MAGI1: variants seen among roughly 807,000 people sequenced by gnomAD.
The protein encoded by MAGI1 is membrane associated guanylate kinase, WW and PDZ domain containing 1.
A neutral mutation model predicts 139.9 loss-of-function variants in MAGI1; 58 were observed. The ratio of observed to expected loss-of-function variants is 0.41; its 90% confidence interval spans 0.34 to 0.52. MAGI1 has a LOEUF of 0.52. Ranked by LOEUF, MAGI1 falls within the 20% of genes least tolerant of loss-of-function variation. The pLI is 0.12. For missense variants in MAGI1, 1,874 were observed against 1,901.6 expected, an observed-to-expected ratio of 0.99 and a Z score of 0.27; for synonymous variants, 812 against 737.9, an observed-to-expected ratio of 1.10 and a Z score of -1.63.
At chr3:65,610,751 C>CTATATATATATATATATACTAT (rs59887286) in intron 2 of MAGI1, among the ~76,000 whole-genome samples, 12 of 21,178 alleles carry the variant, frequency 5.7e-4, no homozygotes, top group African/African-American at 1.3e-3. Flanking sequence ...AGTATATATA[C>CTATATATATATATATATACTAT]AGTATATATA....
chr3:65,817,349 G>A (rs761928944), intron 1 of MAGI1, among the ~76,000 whole-genome samples: 23 of 152,016 alleles, frequency 1.5e-4, no homozygotes, highest in South Asian at 2.1e-4. Context: ...CTAATTGTAC[G>A]TATAAATCCC....
At chr3:65,584,546 C>T (rs995770081) in intron 2 of MAGI1, among the ~76,000 whole-genome samples, 5 of 152,114 alleles carry the variant, frequency 3.3e-5, no homozygotes, top group Non-Finnish European at 5.9e-5. Flanking sequence ...AGGAACAAGA[C>T]ACAGGTCACA....
rs1248195175 is a variant in MAGI1 at position 65,768,577 on chromosome 3, T to C, written c.314-146489A>G. On this transcript the variant is annotated intron_variant, in intron 1 of 22. Transcript: ENST00000402939. ...CTATTGAAATCAAATAGCAGAAAGT[T>C]AGAATGCTTTCTAAAAAACTAATCA... is the stretch of plus-strand genomic sequence containing the variant. 2.0e-5 allele frequency among the ~76,000 whole-genome samples: 3 copies of C among 152,198 alleles called. No homozygotes were observed. The East Asian group carries it at 5.8e-4, about 29-fold the overall frequency.
intron 1 of MAGI1, among the ~76,000 whole-genome samples, chr3:65,881,606 G>A (rs924254891): frequency 3.3e-5 from 5 of 151,592 alleles, no homozygotes; most frequent in African/African-American, 9.7e-5. Flanking sequence ...CAGCTTGGGT[G>A]ACAGAGCCAG....
intron 5 of MAGI1, among the ~76,000 whole-genome samples, chr3:65,464,936 C>A (rs1037696117): frequency 1.3e-5 from 2 of 150,002 alleles, no homozygotes; most frequent in Non-Finnish European, 3.0e-5. Flanking sequence ...CTTTGTATAG[C>A]TTTTAAGTGG....
At position 65,354,144 on chromosome 3, in the gene MAGI1, G is replaced by A. The variant is rs561628886; in HGVS notation, c.*2234C>T. On this transcript the variant is annotated 3_prime_UTR_variant, in exon 23 of 23. Coordinates refer to ENST00000402939, the MANE Select transcript of MAGI1 (RefSeq NM_001033057.2). The stretch of plus-strand genomic sequence containing the variant: ...TAGTGAGAAGAATCCTAGCAGTGGA[G>A]CCCTGGGAATAAAATCTCCAAGTCA... 36 of 152,412 alleles carry A rather than the reference G, an allele frequency of 2.4e-4. No individual in the cohort carries two copies. The highest frequency in any genetic ancestry group is 8.7e-4 in the African/African-American group (36 of 41,568). The allele number at this position is 152,412 out of a possible 1,614,324, so 9.4% of individuals were successfully genotyped here.
rs999355 is a variant in MAGI1 at position 65,571,162 on chromosome 3, T to A, written c.430+50810A>T. Among the ~76,000 whole-genome samples the A allele has an allele frequency of 3.3e-5, 5 of 151,912 alleles. No individual in the cohort carries two copies. In the East Asian group the frequency reaches 9.7e-4, roughly 29 times the overall value. ...AATGAAAAACCCAAATGCACCTGCCTGCATTAGGGATTAACGGCTTGGAAA... is the reference window on the plus strand; with the variant it reads ...AATGAAAAACCCAAATGCACCTGCCAGCATTAGGGATTAACGGCTTGGAAA... On this transcript the variant is annotated intron_variant, in intron 2 of 22. Transcript: ENST00000402939.
intron 1 of MAGI1, among the ~76,000 whole-genome samples, chr3:65,727,686 T>C (rs2033763583): frequency 1.3e-5 from 2 of 152,222 alleles, no homozygotes; most frequent in Admixed American, 6.5e-5. Flanking sequence ...CATTGCTTGT[T>C]TCCCTTTCTT....
intron 1 of MAGI1, among the ~76,000 whole-genome samples, chr3:65,651,358 C>T (rs919754103): frequency 9.9e-5 from 15 of 152,102 alleles, no homozygotes; most frequent in African/African-American, 3.4e-4. Context: ...TCAAACACAC[C>T]CTGGAGCTAA....
chr3:65,865,033 T>C (rs1468381863), intron 1 of MAGI1, among the ~76,000 whole-genome samples: 1 of 152,052 alleles, frequency 6.6e-6, no homozygotes, highest in African/African-American at 2.4e-5. Context: ...AACACTCGGA[T>C]AGACACTAAG....
At chr3:65,588,819 GATGA>G (rs1174750321) in intron 2 of MAGI1, among the ~76,000 whole-genome samples, 1 of 152,184 alleles carries the variant, frequency 6.6e-6, no homozygotes, top group Non-Finnish European at 1.5e-5. Flanking sequence ...TTGAACGAAT[GATGA>G]ATGATAGTAG....
intron 1 of MAGI1, among the ~76,000 whole-genome samples, chr3:65,916,215 T>C (rs910692712): frequency 1.3e-5 from 2 of 152,026 alleles, no homozygotes; most frequent in East Asian, 1.9e-4. Context: ...TGCAGGCACA[T>C]GCCACCACAC....
chr3:65,744,497 T>C (rs2035533638), intron 1 of MAGI1, among the ~76,000 whole-genome samples: 2 of 152,218 alleles, frequency 1.3e-5, no homozygotes, highest in African/African-American at 2.4e-5. Flanking sequence ...CTGTTTTAAA[T>C]GAATGAGTCT....
intron 1 of MAGI1, among the ~76,000 whole-genome samples, chr3:65,657,065 T>C (rs2085920566): frequency 1.3e-5 from 2 of 151,612 alleles, no homozygotes; most frequent in South Asian, 2.1e-4. Context: ...CTAATATTTA[T>C]GGAATGTCTA....
intron 1 of MAGI1, among the ~76,000 whole-genome samples, chr3:65,731,998 A>T (rs2034244707): frequency 6.6e-6 from 1 of 152,212 alleles, no homozygotes; most frequent in African/African-American, 2.4e-5. Context: ...TCGCAATTAA[A>T]CAATTCTATT....
intron 1 of MAGI1, among the ~76,000 whole-genome samples, chr3:65,776,931 T>C (rs1218808864): frequency 2.0e-5 from 3 of 152,170 alleles, no homozygotes; most frequent in Non-Finnish European, 2.9e-5. Flanking sequence ...CCTATTTCTA[T>C]TATACTACAG....
Position 65,470,297 on chromosome 3 carries a change from T to G in MAGI1, c.945A>C (p.Glu315Asp). The change falls in exon 5 of 23, where the codon GAA becomes GAC. Residue 315 changes from glutamate (E) to aspartate (D), a missense_variant. Around this residue, in one of 5 missense-constraint regions of MAGI1, gnomAD observed 648 missense variants for 598.1 expected, o/e 1.08. Coordinates refer to ENST00000402939, the MANE Select transcript of MAGI1 (RefSeq NM_001033057.2). ...NWEMAYTENG[E>D]VYFIDHNTKT... is the part of the protein sequence containing the mutation. Reference sequence around the variant, plus strand: ...GTATACTTTACTCTATAAAATAGACTTCTCCATTTTCAGTATAGGCCATCT... The same window carrying G: ...GTATACTTTACTCTATAAAATAGACGTCTCCATTTTCAGTATAGGCCATCT... 1.9e-6 allele frequency: 3 copies of G among 1,603,370 alleles called. No homozygotes were observed. Among genetic ancestry groups the G allele is most frequent in the Non-Finnish European group, 2.6e-6 (3 of 1,170,360 alleles).
intron 1 of MAGI1, among the ~76,000 whole-genome samples, chr3:66,015,544 T>C (rs1284347537): frequency 5.9e-5 from 9 of 152,266 alleles, no homozygotes; most frequent in African/African-American, 1.2e-4. Context: ...ATAGAGCTGA[T>C]TGAGAAGTAA....
chr3:65,603,450 A>G (rs2082574527), intron 2 of MAGI1, among the ~76,000 whole-genome samples: 1 of 152,216 alleles, frequency 6.6e-6, no homozygotes, highest in Admixed American at 6.5e-5. Context: ...TAAAAATTTG[A>G]CAATTATTTG....
Sources: allele counts gnomAD v4.1 joint callset (sites outside exome capture counted in the v4.1 genomes callset), GRCh38; gene constraint gnomAD v4.1.1; regional missense constraint gnomAD v4.1.1; transcripts MANE v1.5; gene names NCBI Gene and HGNC (gene_info 2026-07-23, HGNC 2026-07-21).